Variants in GRIN2A observed in about 807,000 individuals in gnomAD.
GRIN2A encodes the protein glutamate ionotropic receptor NMDA type subunit 2A.
In GRIN2A, 22 loss-of-function variants were observed where a neutral mutation model predicts 113.4. The ratio of observed to expected loss-of-function variants is 0.19; its 90% CI spans 0.14 to 0.28. GRIN2A has a LOEUF of 0.28. GRIN2A is among the 10% of genes least tolerant of loss of function. The pLI is 1.00. For synonymous variants in GRIN2A, 827 were observed against 738.4 expected, an observed-to-expected ratio of 1.12 and a Z score of -1.94; for missense variants, 1,502 against 1,887.0, an observed-to-expected ratio of 0.80 and a Z score of 3.78.
At chr16:9,932,930 G>T (rs572499356) in intron 3 of GRIN2A, among the ~76,000 whole-genome samples, 1 of 152,228 alleles carries the variant, frequency 6.6e-6, no homozygotes, top group African/African-American at 2.4e-5. Flanking sequence ...CTCCCAGGGG[G>T]CCCTGGCCAC....
intron 3 of GRIN2A, among the ~76,000 whole-genome samples, chr16:9,913,975 GA>G (rs1322327191): frequency 6.6e-6 from 1 of 150,734 alleles, no homozygotes; most frequent in Non-Finnish European, 1.5e-5. Context: ...AAGAAAAAAA[GA>G]AAAGAACAAA....
chr16:10,036,938 C>T (rs1425937987), intron 2 of GRIN2A: 2 of 152,182 alleles, frequency 1.3e-5, no homozygotes, highest in African/African-American at 2.4e-5. Flanking sequence ...TCCTGAGGTA[C>T]TGAGGGTTAG....
chr16:9,990,557 G>A (rs1481094352), intron 2 of GRIN2A, among the ~76,000 whole-genome samples: 23 of 105,876 alleles, frequency 2.2e-4, no homozygotes, highest in South Asian at 7.9e-4. Context: ...GCGCGCGCGC[G>A]CGCGCGCACA....
intron 2 of GRIN2A, among the ~76,000 whole-genome samples, chr16:10,128,430 T>C (rs1225163457): frequency 1.3e-5 from 2 of 152,188 alleles, no homozygotes; most frequent in Non-Finnish European, 2.9e-5. Flanking sequence ...GAAGGAGCTG[T>C]AATATTAACC....
At chr16:10,142,584 T>C (rs1309483112) in intron 2 of GRIN2A, among the ~76,000 whole-genome samples, 1 of 152,100 alleles carries the variant, frequency 6.6e-6, no homozygotes, top group Non-Finnish European at 1.5e-5. Context: ...GTATAGTCTC[T>C]GCTACTCAGG....
At chr16:10,022,448 C>T (rs1470550669) in intron 2 of GRIN2A, among the ~76,000 whole-genome samples, 1 of 152,244 alleles carries the variant, frequency 6.6e-6, no homozygotes. Flanking sequence ...TCTTCCCCAT[C>T]TCCTTCACCT....
intron 11 of GRIN2A, among the ~76,000 whole-genome samples, chr16:9,793,804 C>G (rs531557409): frequency 7.7e-6 from 1 of 129,440 alleles, no homozygotes; most frequent in Non-Finnish European, 1.6e-5. Context: ...ACATACATAA[C>G]ACATGTGTAT....
chr16:10,088,052 T>G (rs531949525), intron 2 of GRIN2A, among the ~76,000 whole-genome samples: 1 of 152,222 alleles, frequency 6.6e-6, no homozygotes, highest in South Asian at 2.1e-4. Context: ...ATCATCATCA[T>G]GGGTTCTCAC....
rs373416531 is a variant in GRIN2A at position 10,161,035 on chromosome 16, G to C, written c.414+18963C>G. ...ACTTCCTAGAGCATTGCTTTTACTT[G>C]TGATATGGTTTGGCTGTGTCCCCAC... is the stretch of plus-strand genomic sequence containing the variant. On this transcript the variant is annotated intron_variant, in intron 2 of 12. Transcript: ENST00000330684. Among the ~76,000 whole-genome samples the C allele has an allele frequency of 2.0e-5, 3 of 152,320 alleles. No individual in the cohort carries two copies. The South Asian group carries it at 6.2e-4, about 32-fold the overall frequency.
chr16:9,781,744 A>G (rs1478612830), intron 11 of GRIN2A, among the ~76,000 whole-genome samples: 3 of 152,162 alleles, frequency 2.0e-5, no homozygotes, highest in Non-Finnish European at 2.9e-5. Flanking sequence ...TAAATTCTAC[A>G]TCTAAGAGTT....
intron 2 of GRIN2A, among the ~76,000 whole-genome samples, chr16:10,006,628 C>T (rs1271704944): frequency 1.3e-5 from 2 of 152,114 alleles, no homozygotes; most frequent in South Asian, 2.1e-4. Flanking sequence ...TTTCTTTCAA[C>T]GTTCCTATTG....
At chr16:9,848,629 T>A (rs2042820364) in intron 5 of GRIN2A, among the ~76,000 whole-genome samples, 1 of 147,564 alleles carries the variant, frequency 6.8e-6, no homozygotes, top group Non-Finnish European at 1.5e-5. Context: ...TTTTAATATA[T>A]AAAAACATAT....
chr16:10,180,156 C>T lies in GRIN2A; in HGVS notation c.256G>A (p.Val86Met), dbSNP rs758742694. 2 of 1,614,202 alleles carry T rather than the reference C, an allele frequency of 1.2e-6. No homozygotes were observed. The highest frequency in any genetic ancestry group is 1.1e-5 in the South Asian group (1 of 91,088). Residue 86 changes from valine to methionine, a missense_variant, in exon 2 of 13, where the codon GTG becomes ATG. By Grantham distance (21) the Val-to-Met change is conservative. Coordinates refer to ENST00000330684, the MANE Select transcript of GRIN2A (RefSeq NM_001134407.3). The surrounding 1 kb of genome is among the most constrained non-coding windows in gnomAD (Gnocchi z 7.0). ...CGTGCCCCGGACATGAGGTCGCACA[C>T]GTGCGTGATGAGGCTCTTGGGGTCG... Reference protein sequence around the residue: ...RTDPKSLITHVCDLMSGARIH... With the variant: ...RTDPKSLITHMCDLMSGARIH...
chr16:9,878,285 G>A (rs957741592), intron 4 of GRIN2A, among the ~76,000 whole-genome samples: 1 of 152,080 alleles, frequency 6.6e-6, no homozygotes, highest in Non-Finnish European at 1.5e-5. Flanking sequence ...CTTTACCACT[G>A]TATGGCCTTG....
Position 10,021,298 on chromosome 16 carries a change from C to T in GRIN2A, c.415-82747G>A, listed in dbSNP as rs540051361. Among the ~76,000 whole-genome samples the T allele has an allele frequency of 4.6e-5, 7 of 152,312 alleles. No homozygotes were observed. In the East Asian group the frequency reaches 1.2e-3, roughly 25 times the overall value. On this transcript the variant is annotated intron_variant, in intron 2 of 12. Transcript: ENST00000330684. ...TATTGAACATCTATGTTGTGTCAGA[C>T]TCTGCCCTCCTGGAATCCCTCCTGG...
At chr16:10,156,141 T>C (rs1170215677) in intron 2 of GRIN2A, among the ~76,000 whole-genome samples, 2 of 152,220 alleles carry the variant, frequency 1.3e-5, no homozygotes, top group Non-Finnish European at 2.9e-5. Context: ...ATACCTGACT[T>C]CTTTCTCCCT....
intron 3 of GRIN2A, among the ~76,000 whole-genome samples, chr16:9,925,058 A>T (rs1213977172): frequency 6.6e-5 from 10 of 152,124 alleles, no homozygotes; most frequent in Admixed American, 6.5e-4. Flanking sequence ...GTAACTTTTG[A>T]TGGGATGGAA....
chr16:10,079,545 C>T (rs1305168693), intron 2 of GRIN2A, among the ~76,000 whole-genome samples: 1 of 152,120 alleles, frequency 6.6e-6, no homozygotes, highest in Non-Finnish European at 1.5e-5. Flanking sequence ...GGGCCAAGCC[C>T]TCATAAATGA....
chr16:9,828,116 G>A (rs970610920), intron 9 of GRIN2A, among the ~76,000 whole-genome samples: 2 of 152,194 alleles, frequency 1.3e-5, no homozygotes, highest in African/African-American at 4.8e-5. Context: ...AGCCAACCAT[G>A]AGAAGATTGG....
Sources: allele counts gnomAD v4.1 joint callset (sites outside exome capture counted in the v4.1 genomes callset), GRCh38; gene constraint gnomAD v4.1.1; non-coding constraint Gnocchi (gnomAD v3.1); transcripts MANE v1.5; gene names NCBI Gene and HGNC (gene_info 2026-07-23, HGNC 2026-07-21).